The following CHCHD3 variants were observed in gnomAD, a reference collection of about 807,000 sequenced individuals.
CHCHD3 encodes MICOS complex subunit MIC19.
A neutral mutation model predicts 38.2 loss-of-function variants in CHCHD3; 20 were observed. The ratio of observed to expected loss-of-function variants is 0.52; its 90% CI spans 0.37 to 0.76. The LOEUF (loss-of-function observed/expected upper bound fraction) is 0.76. Ranked by LOEUF, CHCHD3 falls within the 30% of genes least tolerant of loss-of-function variation. CHCHD3 has a pLI of 0.00. For synonymous variants in CHCHD3, 82 were observed against 100.0 expected (o/e 0.82, Z 1.07); for missense variants, 245 against 279.2 (o/e 0.88, Z 0.87).
intron 3 of CHCHD3, among the ~76,000 whole-genome samples, chr7:133,013,636 T>G (rs1363489578): frequency 6.6e-6 from 1 of 152,186 alleles, no homozygotes; most frequent in Non-Finnish European, 1.5e-5. Context: ...GACGGTCTAC[T>G]TGAATCTATA....
At chr7:132,886,636 A>T (rs1809222501) in intron 4 of CHCHD3, among the ~76,000 whole-genome samples, 1 of 151,292 alleles carries the variant, frequency 6.6e-6, no homozygotes, top group South Asian at 2.1e-4. Flanking sequence ...GTGTGTGTAT[A>T]TATATGTGTA....
chr7:133,057,458 G>A (rs143459428), intron 2 of CHCHD3, among the ~76,000 whole-genome samples: 107 of 152,196 alleles, frequency 7.0e-4, no homozygotes, highest in African/African-American at 2.4e-3. Context: ...CTACTCAGGA[G>A]GCTGAGATAG....
chr7:132,850,915 T>A (rs1562885167), intron 5 of CHCHD3, among the ~76,000 whole-genome samples: 1 of 152,200 alleles, frequency 6.6e-6, no homozygotes, highest in Non-Finnish European at 1.5e-5. Context: ...ACCTTCATAT[T>A]CAGTTCTTAA....
At chr7:132,991,450 A>T (rs971196150) in intron 3 of CHCHD3, among the ~76,000 whole-genome samples, 1 of 152,166 alleles carries the variant, frequency 6.6e-6, no homozygotes, top group African/African-American at 2.4e-5. Flanking sequence ...AGTCACAATT[A>T]TTAACAGTAC....
chr7:132,969,206 T>C (rs1811550645), intron 4 of CHCHD3, among the ~76,000 whole-genome samples: 1 of 151,528 alleles, frequency 6.6e-6, no homozygotes, highest in Non-Finnish European at 1.5e-5. Context: ...TCAAAAATTA[T>C]AGCTTAAGTT....
At chr7:132,876,471 T>G (rs1808916117) in intron 5 of CHCHD3, among the ~76,000 whole-genome samples, 1 of 152,254 alleles carries the variant, frequency 6.6e-6, no homozygotes, top group Admixed American at 6.5e-5. Flanking sequence ...CTTTACATAT[T>G]CAAGTGGCAT....
rs148576558 is a variant in CHCHD3 at position 133,044,241 on chromosome 7, A to T, written c.170-19614T>A. 6.4e-4 allele frequency among the ~76,000 whole-genome samples: 98 copies of T among 152,332 alleles called. 1 individual carries two copies. The South Asian group carries it at 9.3e-3, about 14-fold the overall frequency. On this transcript the variant is annotated intron_variant, in intron 2 of 7. Transcript: ENST00000262570. ...CTAGACATTTAAAGAAAATACTTAA[A>T]TAATTGTTTTATTGGTTGATTTGTT...
At chr7:133,027,406 A>G in intron 2 of CHCHD3, among the ~76,000 whole-genome samples, 1 of 133,936 alleles carries the variant, frequency 7.5e-6, no homozygotes, top group Non-Finnish European at 1.6e-5. Context: ...AGAGGGAGAA[A>G]GAAAGAAATG....
At chr7:132,796,027 G>GTT (rs142998824) in intron 7 of CHCHD3, among the ~76,000 whole-genome samples, 5 of 148,772 alleles carry the variant, frequency 3.4e-5, no homozygotes, top group South Asian at 2.1e-4. Flanking sequence ...GTGGTGTTTT[G>GTT]TTTTTTTTTT....
At chr7:132,926,072 G>A (rs1810370671) in intron 4 of CHCHD3, among the ~76,000 whole-genome samples, 1 of 152,196 alleles carries the variant, frequency 6.6e-6, no homozygotes, top group Non-Finnish European at 1.5e-5. Context: ...TTTAGCTGTA[G>A]ACCATGGCAA....
intron 5 of CHCHD3, among the ~76,000 whole-genome samples, chr7:132,866,774 G>C (rs1808636179): frequency 6.6e-6 from 1 of 152,180 alleles, no homozygotes; most frequent in Non-Finnish European, 1.5e-5. Flanking sequence ...GACTTGGCAA[G>C]ACAGATACTA....
chr7:133,024,707 G>C, intron 2 of CHCHD3, 80 bp from the exon 3 acceptor site: 1 of 1,053,704 alleles, frequency 9.5e-7, no homozygotes, highest in South Asian at 1.3e-5. Context: ...AGGAAAGCCC[G>C]GCTGAGACTA....
intron 4 of CHCHD3, among the ~76,000 whole-genome samples, chr7:132,928,236 G>A (rs1439621267): frequency 1.3e-5 from 2 of 152,168 alleles, no homozygotes; most frequent in East Asian, 1.9e-4. Flanking sequence ...CTGGGTGAAC[G>A]CTGAAGTTAG....
At chr7:132,893,575 G>T (rs1011569183) in intron 4 of CHCHD3, among the ~76,000 whole-genome samples, 1 of 152,178 alleles carries the variant, frequency 6.6e-6, no homozygotes, top group Non-Finnish European at 1.5e-5. Flanking sequence ...CAGGGGCCAG[G>T]GTGGAATGAC....
Position 133,035,569 on chromosome 7 carries a change from A to C in CHCHD3, c.170-10942T>G, listed in dbSNP as rs1813649074. ...TGTTTGTTGTGGTGCATGATGCCCAAGGTGGGGAACACCCAGGTACTGGCT... is the reference window on the plus strand; with the variant it reads ...TGTTTGTTGTGGTGCATGATGCCCACGGTGGGGAACACCCAGGTACTGGCT... On this transcript the variant is annotated intron_variant, in intron 2 of 7. Transcript: ENST00000262570. This position sits in a 1 kb window ranked among gnomAD's most constrained non-coding sequence, Gnocchi z 4.7. The C allele has an allele frequency of 6.2e-7, 1 of 1,613,380 alleles. No individual in the cohort carries two copies. Among genetic ancestry groups the C allele is most frequent in the Non-Finnish European group, 8.5e-7 (1 of 1,179,484 alleles).
chr7:132,915,138 CAAA>C (rs201294940), intron 4 of CHCHD3, among the ~76,000 whole-genome samples: 1 of 133,396 alleles, frequency 7.5e-6, no homozygotes, highest in Non-Finnish European at 1.6e-5. Flanking sequence ...TACTCCATCT[CAAA>C]AAAAAAAAAA....
At chr7:132,836,434 T>C (rs1246969390) in intron 6 of CHCHD3, among the ~76,000 whole-genome samples, 1 of 151,788 alleles carries the variant, frequency 6.6e-6, no homozygotes, top group Non-Finnish European at 1.5e-5. Context: ...GTCTAAACTT[T>C]CAACAACTTT....
intron 5 of CHCHD3, among the ~76,000 whole-genome samples, chr7:132,884,039 CCT>C (rs1809143369): frequency 6.6e-6 from 1 of 152,136 alleles, no homozygotes; most frequent in South Asian, 2.1e-4. Context: ...CATTACTTCC[CCT>C]GTCGGCACTC....
intron 6 of CHCHD3, among the ~76,000 whole-genome samples, chr7:132,807,127 A>G (rs1469144348): frequency 6.6e-6 from 1 of 152,210 alleles, no homozygotes; most frequent in Non-Finnish European, 1.5e-5. Context: ...AAAGCAGTAC[A>G]TGAGAAGAAG....
Sources: allele counts gnomAD v4.1 joint callset (sites outside exome capture counted in the v4.1 genomes callset), GRCh38; gene constraint gnomAD v4.1.1; non-coding constraint Gnocchi (gnomAD v3.1); transcripts MANE v1.5; gene names NCBI Gene and HGNC (gene_info 2026-07-23, HGNC 2026-07-21).